The following MAML2 variants were observed in gnomAD, a reference collection of about 807,000 sequenced individuals.
MAML2 encodes the protein mastermind like transcriptional coactivator 2, also known as mastermind-like protein 2.
Under a neutral mutation model 96.1 loss-of-function variants are expected in MAML2, and 22 were observed. That is an observed-to-expected ratio of 0.23 (90% CI 0.16 to 0.33). The LOEUF (loss-of-function observed/expected upper bound fraction) is 0.33, where lower values mean the gene tolerates loss of function less well. MAML2 is among the 10% of genes least tolerant of loss of function. The pLI, the probability that MAML2 is intolerant of heterozygous loss-of-function variation, is 1.00. For missense variants in MAML2, 1,367 were observed against 1,392.4 expected (o/e 0.98, Z 0.29); for synonymous variants, 561 against 521.3 (o/e 1.08, Z -1.04).
At position 95,977,838 on chromosome 11, in the gene MAML2, AG is replaced by A. The variant is rs751341457; in HGVS notation, c.*1109del. On this transcript the variant is annotated 3_prime_UTR_variant, in exon 5 of 5. Transcript: ENST00000524717. Reference sequence around the variant, plus strand: ...CAAATCCAAATAATACGTCCAATGAAGGACAAATTGTTTTCCCTCTTGATTA... The same window carrying A: ...CAAATCCAAATAATACGTCCAATGAAGACAAATTGTTTTCCCTCTTGATTA... The A allele has an allele frequency of 1.1e-4, 26 of 226,400 alleles. No homozygotes were observed. Among genetic ancestry groups the A allele is most frequent in the Non-Finnish European group, 2.0e-4 (23 of 113,726 alleles). The allele number at this position is 226,400 out of a possible 1,614,324, so 14.0% of individuals were successfully genotyped here. A position where few individuals can be genotyped will look rare whatever the true frequency, so the allele number is the denominator to read the frequency against.
intron 3 of MAML2, among the ~76,000 whole-genome samples, chr11:95,987,247 A>G (rs1382852198): frequency 6.6e-6 from 1 of 152,228 alleles, no homozygotes; most frequent in Non-Finnish European, 1.5e-5. Flanking sequence ...AGACAAAATT[A>G]TGAAGTGTTA....
chr11:96,081,796 T>C (rs1859533260), intron 2 of MAML2, among the ~76,000 whole-genome samples: 1 of 152,232 alleles, frequency 6.6e-6, no homozygotes, highest in Admixed American at 6.5e-5. Flanking sequence ...ATTGTCATTG[T>C]CATTTTACAG....
intron 2 of MAML2, among the ~76,000 whole-genome samples, chr11:96,039,369 G>A (rs12577077): frequency 0.07 from 9,606 of 137,970 alleles, 990 homozygotes; most frequent in African/African-American, 0.22. Context: ...GAGGGGAGGG[G>A]GATAAGGGAG....
At chr11:96,286,991 C>T (rs117640148) in intron 1 of MAML2, among the ~76,000 whole-genome samples, 4,379 of 152,050 alleles carry the variant, frequency 0.029, 79 homozygotes, top group South Asian at 0.049. Context: ...AATATATTCA[C>T]GAGAGAGCAG....
intron 1 of MAML2, among the ~76,000 whole-genome samples, chr11:96,290,332 G>A (rs778026297): frequency 8.5e-5 from 13 of 152,210 alleles, no homozygotes; most frequent in Non-Finnish European, 1.9e-4. Context: ...AGACAATGGG[G>A]AGAATGTGGC....
chr11:96,301,269 G>T (rs1863383036), intron 1 of MAML2, among the ~76,000 whole-genome samples: 1 of 152,122 alleles, frequency 6.6e-6, no homozygotes, highest in South Asian at 2.1e-4. Context: ...CTGCATTTTA[G>T]CCCAGTTTTT....
In MAML2 at chr11:95,978,101, T is replaced by A. The variant is rs1857675406; in HGVS notation, c.*847A>T. On this transcript the variant is annotated 3_prime_UTR_variant, in exon 5 of 5. Transcript: ENST00000524717. ...AATAAGCAACATCCCAGGTTATTTG[T>A]AGCCAAATAAATCTTATTTATAGCA... is the stretch of plus-strand genomic sequence containing the variant. 4.6e-6 allele frequency: 1 copy of A among 216,088 alleles called. No individual in the cohort carries two copies. Among genetic ancestry groups the A allele is most frequent in the South Asian group, 1.9e-4 (1 of 5,364 alleles). 13.4% of individuals were successfully genotyped at this position (216,088 alleles called of 1,614,324 possible).
intron 2 of MAML2, among the ~76,000 whole-genome samples, chr11:95,995,337 G>A (rs532199572): frequency 1.5e-4 from 23 of 152,278 alleles, no homozygotes; most frequent in African/African-American, 5.5e-4. Context: ...CTTTTGGGGT[G>A]TGCTTCTTTC....
intron 1 of MAML2, among the ~76,000 whole-genome samples, chr11:96,142,692 T>C (rs1860754992): frequency 6.6e-6 from 1 of 152,218 alleles, no homozygotes; most frequent in Admixed American, 6.5e-5. Context: ...CATTGTCAGA[T>C]CCAGGAAGGG....
intron 1 of MAML2, among the ~76,000 whole-genome samples, chr11:96,340,541 G>A (rs1863978846): frequency 6.6e-6 from 1 of 152,224 alleles, no homozygotes; most frequent in Non-Finnish European, 1.5e-5. Flanking sequence ...GTGCCTCTGG[G>A]GAAGAACTTC....
At chr11:96,220,468 C>T (rs779271113) in intron 1 of MAML2, among the ~76,000 whole-genome samples, 11 of 152,072 alleles carry the variant, frequency 7.2e-5, no homozygotes, top group Non-Finnish European at 1.6e-4. Context: ...CTATTTGCTG[C>T]CTCTTTATTT....
At chr11:96,064,500 A>C (rs551247393) in intron 2 of MAML2, among the ~76,000 whole-genome samples, 4 of 152,314 alleles carry the variant, frequency 2.6e-5, no homozygotes, top group African/African-American at 9.6e-5. Context: ...AAGAGCCCAA[A>C]CTTTGGATTC....
intron 1 of MAML2, among the ~76,000 whole-genome samples, chr11:96,157,023 G>T (rs1376521051): frequency 6.6e-6 from 1 of 152,218 alleles, no homozygotes; most frequent in Non-Finnish European, 1.5e-5. Context: ...AGGCAAAAGG[G>T]TTCAAATTGT....
At chr11:96,216,831 G>C (rs965617524) in intron 1 of MAML2, among the ~76,000 whole-genome samples, 6 of 152,186 alleles carry the variant, frequency 3.9e-5, no homozygotes, top group African/African-American at 1.4e-4. Context: ...ATCCAACTCT[G>C]GGTAGGACAC....
At chr11:96,323,112 A>AC (rs1863729194) in intron 1 of MAML2, among the ~76,000 whole-genome samples, 1 of 151,886 alleles carries the variant, frequency 6.6e-6, no homozygotes, top group African/African-American at 2.4e-5. Context: ...CTGGTTTAAA[A>AC]AAAAAAAAAA....
chr11:96,121,389 A>G (rs1860337487), intron 1 of MAML2, among the ~76,000 whole-genome samples: 1 of 152,172 alleles, frequency 6.6e-6, no homozygotes, highest in African/African-American at 2.4e-5. Context: ...ACACAAGGAG[A>G]CATGATTCCC....
chr11:96,151,663 C>G (rs565726824), intron 1 of MAML2, among the ~76,000 whole-genome samples: 1 of 152,136 alleles, frequency 6.6e-6, no homozygotes, highest in Non-Finnish European at 1.5e-5. Context: ...CACCTTCCCC[C>G]TCTTCCTTTG....
At chr11:96,105,354 C>G (rs1032830924) in intron 1 of MAML2, among the ~76,000 whole-genome samples, 5 of 152,302 alleles carry the variant, frequency 3.3e-5, no homozygotes, top group Non-Finnish European at 5.9e-5. Flanking sequence ...ATTCTCCCCT[C>G]AATGCACAAA....
At chr11:96,158,722 CT>C (rs1379635113) in intron 1 of MAML2, among the ~76,000 whole-genome samples, 1 of 152,168 alleles carries the variant, frequency 6.6e-6, no homozygotes, top group African/African-American at 2.4e-5. Context: ...TGAAGGCCCC[CT>C]AGCTCTTATT....
Sources: gnomAD v4.1 joint callset for allele counts (sites outside exome capture counted in the v4.1 genomes callset) on GRCh38, gnomAD v4.1.1 for gene constraint, MANE v1.5 for transcripts, NCBI Gene and HGNC (gene_info 2026-07-23, HGNC 2026-07-21) for gene names.